The following INTU variants were observed in gnomAD, a reference collection of about 807,000 sequenced individuals.
The protein encoded by INTU is protein inturned.
In INTU, 68 loss-of-function variants were observed where a neutral mutation model predicts 100.5. The observed-to-expected ratio is 0.68, with a 90% CI of 0.56 to 0.83. INTU has a LOEUF of 0.83. Ranked by LOEUF, INTU falls within the 40% of genes least tolerant of loss-of-function variation. The pLI, the probability that INTU is intolerant of heterozygous loss-of-function variation, is 0.00. For missense variants in INTU, 1,071 were observed against 1,114.7 expected (o/e 0.96, Z 0.56); for synonymous variants, 357 against 395.7 (o/e 0.90, Z 1.16).
rs955248805 is a variant in INTU, at chr4:127,663,973, T to C, written c.972+389T>C. ...ACAATCTGATGAGTTTTGACAAATATATTACACTTTTATAACCAGTATCAC... is the reference window on the plus strand; with the variant it reads ...ACAATCTGATGAGTTTTGACAAATACATTACACTTTTATAACCAGTATCAC... On this transcript the variant is annotated intron_variant, in intron 4 of 15. Transcript: ENST00000335251. 5.3e-5 allele frequency among the ~76,000 whole-genome samples: 8 copies of C among 152,176 alleles called. 1 individual carries two copies. Among genetic ancestry groups the C allele is most frequent in the Admixed American group, 4.6e-4 (7 of 15,262 alleles).
At chr4:127,670,149 G>T (rs1278911598) in intron 5 of INTU, among the ~76,000 whole-genome samples, 1 of 150,910 alleles carries the variant, frequency 6.6e-6, no homozygotes, top group Non-Finnish European at 1.5e-5. Flanking sequence ...TAGGTTTTGT[G>T]TTTTTTTTCA....
intron 6 of INTU, among the ~76,000 whole-genome samples, chr4:127,676,988 C>T (rs147440574): frequency 0.44 from 66,729 of 151,768 alleles, 15,522 homozygotes; most frequent in South Asian, 0.66. Context: ...CACGGAGTCT[C>T]GCTGATTGCT....
At position 127,660,713 on chromosome 4, in the gene INTU, T is replaced by G. The variant is rs997549145; in HGVS notation, c.769-2668T>G. Among the ~76,000 whole-genome samples the G allele has an allele frequency of 5.3e-5, 8 of 152,282 alleles. No homozygotes were observed. The East Asian group carries it at 1.5e-3, about 29-fold the overall frequency. ...GTCATAGAGAGTGCGTCCTTGGGTC[T>G]GAGGAAAGGCTGGGCAAACCGCACA... On this transcript the variant is annotated intron_variant, in intron 3 of 15. Transcript: ENST00000335251.
In INTU at chr4:127,705,694, G is replaced by A. The variant is rs760429369; in HGVS notation, c.1670G>A (p.Gly557Asp). ...CCTTTAGCAGCAAAACAAAGAATTG[G>A]TCAGTTGATCATATGGAGAGAAGTG... ...LLPLAAKQRI[G>D]QLIIWREVFP... The change falls in exon 11 of 16, where the codon GGT (glycine) becomes GAT (aspartate). Residue 557 changes from glycine to aspartate, a missense_variant. Transcript: ENST00000335251. The A allele has an allele frequency of 5.0e-6, 8 of 1,613,970 alleles. No homozygotes were observed. Among genetic ancestry groups the A allele is most frequent in the Non-Finnish European group, 6.8e-6 (8 of 1,179,910 alleles).
chr4:127,683,209 G>T (rs1729664482), intron 6 of INTU, among the ~76,000 whole-genome samples: 1 of 152,176 alleles, frequency 6.6e-6, no homozygotes, highest in South Asian at 2.1e-4. Flanking sequence ...CTCTCCTAAA[G>T]AACTTGGCTT....
intron 6 of INTU, among the ~76,000 whole-genome samples, chr4:127,677,972 G>A (rs1035106341): frequency 2.0e-5 from 3 of 152,158 alleles, no homozygotes; most frequent in Non-Finnish European, 4.4e-5. Flanking sequence ...TTCAGGAGCC[G>A]ATGCAATCAA....
At chr4:127,635,854 G>A (rs1223664242) in intron 1 of INTU, among the ~76,000 whole-genome samples, 2 of 152,120 alleles carry the variant, frequency 1.3e-5, no homozygotes, top group African/African-American at 4.8e-5. Context: ...CTCTATAGGA[G>A]TTTGTAGTTT....
At chr4:127,663,285 T>G (rs774911378) in intron 3 of INTU, 96 bp from the exon 4 acceptor site, 34 of 809,090 alleles carry the variant, frequency 4.2e-5, no homozygotes, top group Non-Finnish European at 6.6e-5. Flanking sequence ...ATACTGTACA[T>G]ACCTGGGTGT....
At chr4:127,679,218 C>T (rs1410401343) in intron 6 of INTU, among the ~76,000 whole-genome samples, 3 of 152,030 alleles carry the variant, frequency 2.0e-5, no homozygotes, top group Non-Finnish European at 2.9e-5. Context: ...AACAAGGATA[C>T]CCAGGAATTG....
intron 6 of INTU, among the ~76,000 whole-genome samples, chr4:127,682,272 A>G (rs1028745419): frequency 9.9e-5 from 15 of 152,132 alleles, no homozygotes; most frequent in African/African-American, 3.6e-4. Context: ...CCAAAGGACT[A>G]TAAATCATGC....
At chr4:127,673,579 TTTTG>T (rs1232524853) in intron 5 of INTU, among the ~76,000 whole-genome samples, 2 of 151,784 alleles carry the variant, frequency 1.3e-5, no homozygotes, top group Non-Finnish European at 2.9e-5. Context: ...ATAGGTCTAT[TTTTG>T]TTTGGCCTAG....
chr4:127,640,584 T>TATATATAC (rs1487348338), intron 1 of INTU, among the ~76,000 whole-genome samples: 1 of 36,668 alleles, frequency 2.7e-5, no homozygotes, highest in East Asian at 9.0e-4. Flanking sequence ...TATATATATA[T>TATATATAC]ATATATACAT....
At chr4:127,714,455 G>T (rs1416899336) in intron 15 of INTU, among the ~76,000 whole-genome samples, 1 of 151,442 alleles carries the variant, frequency 6.6e-6, no homozygotes, top group African/African-American at 2.4e-5. Context: ...ACCATGCCCA[G>T]TCAGGACCCT....
intron 10 of INTU, 51 bp from the exon 11 acceptor site, chr4:127,705,540 C>T (rs761119822): frequency 1.5e-6 from 2 of 1,317,970 alleles, no homozygotes; most frequent in Non-Finnish European, 1.1e-6. Context: ...TATTATGGGA[C>T]TATTGCTTTA....
At chr4:127,660,087 A>AT (rs1378982030) in intron 3 of INTU, among the ~76,000 whole-genome samples, 3 of 152,188 alleles carry the variant, frequency 2.0e-5, no homozygotes, top group African/African-American at 7.2e-5. Flanking sequence ...TGGGGGAGGC[A>AT]TATGCAAGAC....
At chr4:127,651,134 G>A (rs1449892144) in intron 2 of INTU, among the ~76,000 whole-genome samples, 11 of 151,882 alleles carry the variant, frequency 7.2e-5, no homozygotes, top group Non-Finnish European at 1.6e-4. Context: ...TGTCAGATGA[G>A]TAGGTTGCAA....
At position 127,639,433 on chromosome 4, in the gene INTU, A is replaced by C. The variant is rs563367582; in HGVS notation, c.147-4088A>C. On this transcript the variant is annotated intron_variant, in intron 1 of 15. Coordinates refer to ENST00000335251, the MANE Select transcript of INTU (RefSeq NM_015693.4). ...GGAGGGATTAAACTTCATCTCCTGG[A>C]GTGGGGATTATCTATATGTATTGAT... Among the ~76,000 whole-genome samples the C allele has an allele frequency of 8.7e-4, 133 of 152,170 alleles. 1 individual carries two copies. The Middle Eastern group carries it at 0.01, about 12-fold the overall frequency.
At chr4:127,670,171 T>C (rs1303620362) in intron 5 of INTU, among the ~76,000 whole-genome samples, 2 of 151,896 alleles carry the variant, frequency 1.3e-5, no homozygotes, top group Non-Finnish European at 2.9e-5. Flanking sequence ...AAAATAAATC[T>C]AAGAATTATA....
chr4:127,639,880 CTG>C (rs1727233574), intron 1 of INTU, among the ~76,000 whole-genome samples: 1 of 152,138 alleles, frequency 6.6e-6, no homozygotes. Flanking sequence ...TCCTATCTAA[CTG>C]TAACTTTGTA....
Sources: allele counts gnomAD v4.1 joint callset (sites outside exome capture counted in the v4.1 genomes callset), GRCh38; gene constraint gnomAD v4.1.1; transcripts MANE v1.5; gene names NCBI Gene and HGNC (gene_info 2026-07-23, HGNC 2026-07-21).